Variants in LOXHD1 observed in about 807,000 individuals in gnomAD.
LOXHD1 encodes the protein lipoxygenase homology PLAT domains 1.
Under a neutral mutation model 248.2 loss-of-function variants are expected in LOXHD1, and 205 were observed. That is an observed-to-expected ratio of 0.83 (90% CI 0.74 to 0.93). The LOEUF (loss-of-function observed/expected upper bound fraction) is 0.93. LOXHD1 is among the 40% of genes least tolerant of loss of function. The pLI, the probability that LOXHD1 is intolerant of heterozygous loss-of-function variation, is 0.00. For synonymous variants in LOXHD1, 1,113 were observed against 1,162.8 expected (o/e 0.96, Z 0.87); for missense variants, 2,930 against 2,971.6 (o/e 0.99, Z 0.33).
intron 12 of LOXHD1, among the ~76,000 whole-genome samples, chr18:46,586,227 G>C (rs1416648401): frequency 6.6e-6 from 1 of 152,176 alleles, no homozygotes; most frequent in East Asian, 1.9e-4. Flanking sequence ...TAGATTAGTG[G>C]TTGTCAGAGG....
intron 38 of LOXHD1, among the ~76,000 whole-genome samples, chr18:46,487,641 C>A (rs2033157021): frequency 6.6e-6 from 1 of 152,308 alleles, no homozygotes; most frequent in African/African-American, 2.4e-5. Flanking sequence ...GGAACTTAAG[C>A]AGGGAGATGC....
At chr18:46,618,388 G>C in intron 4 of LOXHD1, 98 bp from the exon 5 acceptor site, 2 of 767,314 alleles carry the variant, frequency 2.6e-6, no homozygotes, top group Non-Finnish European at 4.4e-6. Flanking sequence ...CTTACCCCCA[G>C]CAATGCATAA....
At chr18:46,531,599 C>T (rs540385168) in intron 28 of LOXHD1, among the ~76,000 whole-genome samples, 5 of 152,300 alleles carry the variant, frequency 3.3e-5, no homozygotes, top group African/African-American at 1.2e-4. Context: ...CTCCAGTCCT[C>T]TGGGAATTAG....
At chr18:46,647,721 A>G (rs1342192842) in intron 2 of LOXHD1, among the ~76,000 whole-genome samples, 1 of 152,224 alleles carries the variant, frequency 6.6e-6, no homozygotes, top group Non-Finnish European at 1.5e-5. Context: ...ATGCAGCAGC[A>G]TGGACGCTAT....
intron 16 of LOXHD1, 53 bp from the exon 17 acceptor site, chr18:46,566,502 A>G: frequency 6.8e-7 from 1 of 1,472,892 alleles, no homozygotes; most frequent in Middle Eastern, 1.7e-4. Flanking sequence ...AGAAACCTCC[A>G]TGATCCCATC....
At chr18:46,490,896 T>C (rs1044542508) in intron 37 of LOXHD1, among the ~76,000 whole-genome samples, 3 of 152,254 alleles carry the variant, frequency 2.0e-5, no homozygotes, top group African/African-American at 7.2e-5. Context: ...TTCCTGATAG[T>C]GTCATGAAGA....
chr18:46,592,768 G>A (rs971553034), intron 10 of LOXHD1, among the ~76,000 whole-genome samples, 184 bp from the exon 11 acceptor site: 2 of 152,174 alleles, frequency 1.3e-5, no homozygotes, highest in African/African-American at 4.8e-5. Context: ...CCAGGAGCAC[G>A]TGAGGGCAAG....
At chr18:46,510,349 C>A (rs1340003247) in intron 34 of LOXHD1, among the ~76,000 whole-genome samples, 3 of 152,232 alleles carry the variant, frequency 2.0e-5, no homozygotes, top group Non-Finnish European at 4.4e-5. Flanking sequence ...AAACTGAACA[C>A]AGTGCCCTGA....
intron 31 of LOXHD1, 125 bp from the exon 32 acceptor site, chr18:46,522,434 T>C (rs1219181367): frequency 2.7e-6 from 2 of 734,194 alleles, no homozygotes; most frequent in East Asian, 2.7e-5. Context: ...AGAGACAAAG[T>C]GCAGTGAGCC....
At chr18:46,572,205 G>A (rs770419935) in intron 14 of LOXHD1, 43 bp from the exon 15 acceptor site, 56 of 1,508,900 alleles carry the variant, frequency 3.7e-5, no homozygotes, top group Non-Finnish European at 4.6e-5. Context: ...GGGTGGAGCA[G>A]GCAGACAATC....
At position 46,507,691 on chromosome 18, in the gene LOXHD1, T is replaced by C; in HGVS notation, c.5539A>G (p.Thr1847Ala). 6.4e-7 allele frequency: 1 copy of C among 1,551,460 alleles called. No homozygotes were observed. The highest frequency in any genetic ancestry group is 8.7e-7 in the Non-Finnish European group (1 of 1,146,804). The change falls in exon 36 of 41, where the codon ACT becomes GCT. Residue 1847 changes from threonine to alanine, a missense_variant. By Grantham distance (58) the Thr-to-Ala change is moderately conservative (BLOSUM62 0). Transcript: ENST00000642948. ...LERILLKNMN[T>A]GDLTMFYYGD... ...TAGTAGAACATGGTCAGGTCTCCAG[T>C]GTTCATGTTCTTCAGTAGGATCTGG... is the stretch of plus-strand genomic sequence containing the variant.
chr18:46,540,654 C>CTTTTTTTTTTTTTTTT (rs60099172), intron 25 of LOXHD1, among the ~76,000 whole-genome samples: 1 of 91,402 alleles, frequency 1.1e-5, no homozygotes, highest in Non-Finnish European at 2.0e-5. Flanking sequence ...AACTCTTTAT[C>CTTTTTTTTTTTTTTTT]TTTTTTTTTT....
At chr18:46,477,245 C>A (rs772204495), downstream of LOXHD1, 19 of 751,550 alleles carry the variant, frequency 2.5e-5, no homozygotes, top group South Asian at 2.6e-4. Flanking sequence ...AAAGGAAATA[C>A]AAAAAATTAT....
Position 46,521,266 on chromosome 18 carries a change from G to A in LOXHD1, c.5102C>T (p.Ala1701Val), listed in dbSNP as rs1164174389. 4 of 1,551,700 alleles carry A rather than the reference G, an allele frequency of 2.6e-6. No individual in the cohort carries two copies. The highest frequency in any genetic ancestry group is 2.4e-5 in the East Asian group (1 of 40,904). Residue 1701 changes from alanine to valine, a missense_variant, in exon 33 of 41, where the codon GCC becomes GTC. Ala to Val is a moderately conservative substitution (Grantham distance 64, BLOSUM62 0). Transcript: ENST00000642948. The stretch of plus-strand genomic sequence containing the variant: ...CACCAGCCAGCAGCTCTCAGGGGAG[G>A]CCCCGTCATGGCCCAGCTAGGAGGA... ...IKKIELGHDG[A>V]SPESCWLVEE...
At chr18:46,602,049 C>T (rs1043942677) in intron 7 of LOXHD1, among the ~76,000 whole-genome samples, 4 of 152,080 alleles carry the variant, frequency 2.6e-5, no homozygotes, top group Non-Finnish European at 5.9e-5. Context: ...AGGTTCTGGT[C>T]TATCAGGAGG....
At chr18:46,581,058 C>T (rs1337620482) in intron 12 of LOXHD1, among the ~76,000 whole-genome samples, 1 of 152,040 alleles carries the variant, frequency 6.6e-6, no homozygotes, top group East Asian at 1.9e-4. Flanking sequence ...TGGAGGGCTT[C>T]AAGCAAGGAA....
At chr18:46,613,558 C>T (rs73431153) in intron 5 of LOXHD1, among the ~76,000 whole-genome samples, 3,490 of 151,968 alleles carry the variant, frequency 0.023, 141 homozygotes, top group African/African-American at 0.079. Context: ...TTTACTTGCC[C>T]TTTTTTCTGG....
chr18:46,508,535 C>G (rs2034734181), intron 35 of LOXHD1, among the ~76,000 whole-genome samples: 1 of 152,176 alleles, frequency 6.6e-6, no homozygotes, highest in Non-Finnish European at 1.5e-5. Context: ...CCTGCCGACA[C>G]CTTCACCTTG....
intron 4 of LOXHD1, among the ~76,000 whole-genome samples, chr18:46,628,509 G>T (rs914399659): frequency 4.6e-5 from 7 of 152,226 alleles, no homozygotes; most frequent in African/African-American, 1.4e-4. Flanking sequence ...ATGACAAAGC[G>T]TCGGGAAAAG....
Sources: allele counts gnomAD v4.1 joint callset (sites outside exome capture counted in the v4.1 genomes callset), GRCh38; gene constraint gnomAD v4.1.1; transcripts MANE v1.5; gene names NCBI Gene and HGNC (gene_info 2026-07-23, HGNC 2026-07-21).